Variants in UNC5D observed in about 807,000 individuals in gnomAD.
UNC5D encodes the protein netrin receptor UNC5D.
UNC5D carries 39 observed loss-of-function variants against 105.4 expected under a neutral mutation model. That is an observed-to-expected ratio of 0.37 (90% CI 0.29 to 0.48). The LOEUF (loss-of-function observed/expected upper bound fraction) is 0.48, where lower values mean the gene tolerates loss of function less well. Ranked by LOEUF, UNC5D falls within the 20% of genes least tolerant of loss-of-function variation. The pLI is 0.98. For synonymous variants in UNC5D, 452 were observed against 450.4 expected (o/e 1.00, Z -0.04); for missense variants, 991 against 1,202.4 (o/e 0.82, Z 2.60).
At chr8:35,429,876 C>T (rs556842415) in intron 1 of UNC5D, among the ~76,000 whole-genome samples, 16 of 152,238 alleles carry the variant, frequency 1.1e-4, no homozygotes, top group African/African-American at 3.1e-4. Flanking sequence ...ACCATTTTCT[C>T]GAATTTCAAG....
chr8:35,530,759 C>T lies in UNC5D; in HGVS notation c.104-18533C>T, dbSNP rs1237118824. The stretch of plus-strand genomic sequence containing the variant: ...GGTCTATTCAGAGATTCAACTTCTT[C>T]CTGGTTTAGTCTTGGGAGAGTGTAT... On this transcript the variant is annotated intron_variant, in intron 1 of 16. Transcript: ENST00000404895. Among the ~76,000 whole-genome samples the T allele has an allele frequency of 3.9e-3, 539 of 137,558 alleles. 2 individuals are homozygous for T. Among genetic ancestry groups the T allele is most frequent in the Middle Eastern group, 0.029 (8 of 280 alleles). The allele number at this position is 137,558 out of a possible 152,430, so 90.2% of individuals were successfully genotyped here. A position where few individuals can be genotyped will look rare whatever the true frequency, so the allele number is the denominator to read the frequency against.
intron 4 of UNC5D, among the ~76,000 whole-genome samples, chr8:35,619,230 C>A (rs1398203971): frequency 6.6e-6 from 1 of 152,132 alleles, no homozygotes; most frequent in Non-Finnish European, 1.5e-5. Flanking sequence ...CCAGGGTGAT[C>A]AACCAAGACA....
intron 1 of UNC5D, among the ~76,000 whole-genome samples, chr8:35,397,598 T>G (rs1352926458): frequency 2.0e-5 from 3 of 152,226 alleles, no homozygotes; most frequent in Non-Finnish European, 4.4e-5. Context: ...GCTTTTCAGC[T>G]GGTCTTTGCT....
rs775041453 is a variant in UNC5D, at chr8:35,684,636, G to A, written c.806G>A (p.Gly269Asp). 6 of 1,613,794 alleles carry A rather than the reference G, an allele frequency of 3.7e-6. No individual in the cohort carries two copies. The highest frequency in any genetic ancestry group is 5.1e-6 in the Non-Finnish European group (6 of 1,179,980). The change falls in exon 6 of 17, where the codon GGT becomes GAT. Residue 269 changes from glycine to aspartate, a missense_variant. By Grantham distance (94) the Gly-to-Asp change is moderately conservative. Around this residue, in one of 3 missense-constraint regions of UNC5D, gnomAD observed 944 missense variants for 1,131.6 expected, o/e 0.83. Coordinates refer to ENST00000404895, the MANE Select transcript of UNC5D (RefSeq NM_080872.4). The stretch of plus-strand genomic sequence containing the variant: ...TGGTCAGCCTGCAATGTTCGCTGTG[G>A]TAGAGGATGGCAGAAACGTTCCCGG... ...TEWSACNVRCGRGWQKRSRTC... is the reference protein window; with the variant it reads ...TEWSACNVRCDRGWQKRSRTC...
intron 4 of UNC5D, among the ~76,000 whole-genome samples, chr8:35,641,381 A>AAAAAAAAAAAAAAAAAAAAAAAAT (rs1822720209): frequency 6.6e-6 from 1 of 150,572 alleles, no homozygotes; most frequent in African/African-American, 2.4e-5. Flanking sequence ...AAAAAAAAAA[A>AAAAAAAAAAAAAAAAAAAAAAAAT]AAAAGAAAAA....
At chr8:35,724,305 C>A in intron 9 of UNC5D, 1 of 1,535,266 alleles carries the variant, frequency 6.5e-7, no homozygotes, top group East Asian at 2.4e-5. Context: ...AAATGCCACT[C>A]TCCCTGCATT....
intron 3 of UNC5D, among the ~76,000 whole-genome samples, chr8:35,573,727 G>T (rs544438610): frequency 6.6e-6 from 1 of 152,288 alleles, no homozygotes; most frequent in East Asian, 1.9e-4. Flanking sequence ...GTCCAGTTGT[G>T]TGTGTGTGTG....
At chr8:35,715,315 A>AT (rs142373579) in intron 8 of UNC5D, among the ~76,000 whole-genome samples, 3,840 of 151,664 alleles carry the variant, frequency 0.025, 162 homozygotes, top group African/African-American at 0.086. Flanking sequence ...ACAGTTACAT[A>AT]TTTTTTTTTC....
chr8:35,676,470 A>G lies in UNC5D; in HGVS notation c.571-7077A>G, dbSNP rs537296903. On this transcript the variant is annotated intron_variant, in intron 4 of 16. Transcript: ENST00000404895. ...AAAGATGACCTGTTAGCAGGAGGTC[A>G]TGTGCATAAGTGATACAAATGTCTG... 1.3e-3 allele frequency among the ~76,000 whole-genome samples: 194 copies of G among 152,348 alleles called. 1 individual carries two copies. Among genetic ancestry groups the G allele is most frequent in the African/African-American group, 4.5e-3 (187 of 41,582 alleles).
At chr8:35,739,471 A>C (rs1490244541) in intron 11 of UNC5D, among the ~76,000 whole-genome samples, 1 of 152,188 alleles carries the variant, frequency 6.6e-6, no homozygotes, top group Non-Finnish European at 1.5e-5. Context: ...GTAAATAAAA[A>C]TTGCTATCAT....
intron 4 of UNC5D, among the ~76,000 whole-genome samples, chr8:35,678,920 C>T (rs769558950): frequency 6.6e-6 from 1 of 151,814 alleles, no homozygotes; most frequent in Non-Finnish European, 1.5e-5. Context: ...AATTCATAAG[C>T]CCATAATGAC....
At chr8:35,534,190 A>T (rs1014274155) in intron 1 of UNC5D, among the ~76,000 whole-genome samples, 1 of 152,172 alleles carries the variant, frequency 6.6e-6, no homozygotes, top group Non-Finnish European at 1.5e-5. Context: ...GTATAATATT[A>T]TAGGGAGGAA....
intron 4 of UNC5D, among the ~76,000 whole-genome samples, chr8:35,604,730 G>T (rs1820154403): frequency 6.6e-6 from 1 of 152,106 alleles, no homozygotes; most frequent in African/African-American, 2.4e-5. Flanking sequence ...TTTCTTGGAG[G>T]CTTTGTTCGT....
chr8:35,263,378 T>C (rs1418980845), intron 1 of UNC5D, among the ~76,000 whole-genome samples: 3 of 152,234 alleles, frequency 2.0e-5, no homozygotes, highest in African/African-American at 7.2e-5. Context: ...CACATGATAC[T>C]TAATAAATTG....
chr8:35,792,740 G>A lies in UNC5D; in HGVS notation c.*2177G>A, dbSNP rs1289998509. 3.0e-5 allele frequency: 8 copies of A among 268,768 alleles called. No homozygotes were observed. Among genetic ancestry groups the A allele is most frequent in the Non-Finnish European group, 5.8e-5 (8 of 138,788 alleles). 16.6% of individuals were successfully genotyped at this position (268,768 alleles called of 1,614,324 possible). ...TTGGAATCCATCTTGGAGGATTTTT[G>A]TTTTAAACTGTCTTTAGCATTTTCC... is the stretch of plus-strand genomic sequence containing the variant. On this transcript the variant is annotated 3_prime_UTR_variant, in exon 17 of 17. Coordinates refer to ENST00000404895, the MANE Select transcript of UNC5D (RefSeq NM_080872.4).
At chr8:35,646,662 A>G (rs56139060) in intron 4 of UNC5D, among the ~76,000 whole-genome samples, 21,364 of 152,100 alleles carry the variant, frequency 0.14, 3,101 homozygotes, top group African/African-American at 0.37. Flanking sequence ...ATAAATGTGT[A>G]TCTGTAATAA....
rs1803141384 is a variant in UNC5D, at chr8:35,793,618, A to T, written c.*3055A>T. On this transcript the variant is annotated 3_prime_UTR_variant, in exon 17 of 17. Coordinates refer to ENST00000404895, the MANE Select transcript of UNC5D (RefSeq NM_080872.4). ...GCCACCAAAATGGTGCACTTCACAG[A>T]TTCACCAGACTGTAGCATCATAAAG... 1.3e-5 allele frequency: 2 copies of T among 153,382 alleles called. No individual in the cohort carries two copies. Among genetic ancestry groups the T allele is most frequent in the Non-Finnish European group, 2.9e-5 (2 of 68,646 alleles). 9.5% of individuals were successfully genotyped at this position (153,382 alleles called of 1,614,324 possible).
chr8:35,497,113 G>A (rs2130186257), intron 1 of UNC5D, among the ~76,000 whole-genome samples: 1 of 152,300 alleles, frequency 6.6e-6, no homozygotes, highest in Admixed American at 6.5e-5. Context: ...TGCTAGGTTT[G>A]ATGAAGAAGT....
At chr8:35,275,183 C>T (rs1805692573) in intron 1 of UNC5D, among the ~76,000 whole-genome samples, 1 of 151,656 alleles carries the variant, frequency 6.6e-6, no homozygotes, top group Admixed American at 6.6e-5. Flanking sequence ...AAGCTGCACT[C>T]TTCCCCTTTC....
Sources: allele counts gnomAD v4.1 joint callset (sites outside exome capture counted in the v4.1 genomes callset), GRCh38; gene constraint gnomAD v4.1.1; regional missense constraint gnomAD v4.1.1; transcripts MANE v1.5; gene names NCBI Gene and HGNC (gene_info 2026-07-23, HGNC 2026-07-21).